The following SDK1 variants were observed in gnomAD, a reference collection of about 807,000 sequenced individuals.
SDK1 encodes the protein protein sidekick-1.
Under a neutral mutation model 245.5 loss-of-function variants are expected in SDK1, and 157 were observed. The observed-to-expected ratio is 0.64, with a 90% confidence interval of 0.56 to 0.73. The LOEUF (loss-of-function observed/expected upper bound fraction) is 0.73, where lower values mean the gene tolerates loss of function less well. Among genes scored for constraint, SDK1 ranks in the 30% least tolerant of loss-of-function variants. The pLI, the probability that SDK1 is intolerant of heterozygous loss-of-function variation, is 0.00. For synonymous variants in SDK1, 1,647 were observed against 1,278.5 expected, an observed-to-expected ratio of 1.29 and a Z score of -6.15; for missense variants, 3,583 against 3,002.3, an observed-to-expected ratio of 1.19 and a Z score of -4.52.
intron 1 of SDK1, among the ~76,000 whole-genome samples, chr7:3,490,078 C>G (rs571729224): frequency 6.6e-6 from 1 of 152,022 alleles, no homozygotes; most frequent in South Asian, 2.1e-4. Flanking sequence ...TGGAATTATT[C>G]TCTTCATATT....
intron 4 of SDK1, among the ~76,000 whole-genome samples, chr7:3,721,180 C>G (rs1785357471): frequency 6.6e-6 from 1 of 152,152 alleles, no homozygotes; most frequent in Non-Finnish European, 1.5e-5. Flanking sequence ...ACTGTTCCCT[C>G]TCTTGGTTGT....
At chr7:3,418,154 A>C (rs201323630) in intron 1 of SDK1, among the ~76,000 whole-genome samples, 2 of 55,380 alleles carry the variant, frequency 3.6e-5, no homozygotes, top group Non-Finnish European at 1.1e-4. Context: ...TGAAAAAAAA[A>C]AAAAAAAAAA....
intron 1 of SDK1, among the ~76,000 whole-genome samples, chr7:3,361,948 A>G (rs541761517): frequency 5.9e-5 from 9 of 152,344 alleles, no homozygotes; most frequent in African/African-American, 1.9e-4. Context: ...TTTCAGTGGC[A>G]GTCCTCATTT....
Position 3,749,976 on chromosome 7 carries a change from C to T in SDK1, c.714-71474C>T, listed in dbSNP as rs1250909796. Among the ~76,000 whole-genome samples, 3 of 152,186 alleles carry T rather than the reference C, an allele frequency of 2.0e-5. No individual in the cohort carries two copies. The East Asian group carries it at 5.8e-4, about 29-fold the overall frequency. ...CTCTTGTTAGAATCTGGGTGTTTTT[C>T]ACACTTTGTAATACAAAGCTCACAT... On this transcript the variant is annotated intron_variant, in intron 4 of 44. Coordinates refer to ENST00000404826, the MANE Select transcript of SDK1 (RefSeq NM_152744.4).
chr7:3,610,499 C>T (rs376058503), intron 1 of SDK1, among the ~76,000 whole-genome samples: 3 of 152,166 alleles, frequency 2.0e-5, no homozygotes, highest in African/African-American at 7.2e-5. Context: ...TATTGGAGAG[C>T]TGGAAGCTTA....
intron 4 of SDK1, among the ~76,000 whole-genome samples, chr7:3,691,218 C>T (rs1784429764): frequency 6.6e-6 from 1 of 152,030 alleles, no homozygotes; most frequent in African/African-American, 2.4e-5. Flanking sequence ...TTTAGATTTG[C>T]AAGAAATAAA....
intron 1 of SDK1, among the ~76,000 whole-genome samples, chr7:3,496,913 C>A (rs1430184206): frequency 2.6e-5 from 4 of 152,174 alleles, no homozygotes; most frequent in Non-Finnish European, 5.9e-5. Context: ...CTTCAGAGGT[C>A]ACCTGATTTA....
chr7:3,321,155 ATC>A (rs1311961956), intron 1 of SDK1, among the ~76,000 whole-genome samples: 8 of 152,200 alleles, frequency 5.3e-5, no homozygotes, highest in African/African-American at 1.9e-4. Flanking sequence ...GTGAAATAAA[ATC>A]TTTTTGAAAC....
At chr7:3,652,157 CTT>C (rs1460805854) in intron 4 of SDK1, among the ~76,000 whole-genome samples, 1 of 152,154 alleles carries the variant, frequency 6.6e-6, no homozygotes, top group East Asian at 1.9e-4. Flanking sequence ...TGAGACAACT[CTT>C]TGGGCATTTT....
chr7:3,635,254 A>G (rs545512049), intron 2 of SDK1, among the ~76,000 whole-genome samples: 2 of 152,238 alleles, frequency 1.3e-5, no homozygotes, highest in Non-Finnish European at 2.9e-5. Flanking sequence ...AAATTTTAAG[A>G]TTAAAACTCA....
chr7:4,201,670 G>A (rs1008308226), intron 35 of SDK1, among the ~76,000 whole-genome samples: 3 of 151,394 alleles, frequency 2.0e-5, no homozygotes, highest in Non-Finnish European at 2.9e-5. Flanking sequence ...GACAGGAGGC[G>A]CCTGGCGTGG....
intron 4 of SDK1, among the ~76,000 whole-genome samples, chr7:3,787,924 G>A (rs1163035127): frequency 6.6e-6 from 1 of 152,316 alleles, no homozygotes; most frequent in East Asian, 1.9e-4. Flanking sequence ...CGGTTGCACA[G>A]AAGCCACTCT....
intron 43 of SDK1, among the ~76,000 whole-genome samples, chr7:4,243,739 A>C (rs1279048121): frequency 6.6e-6 from 1 of 152,210 alleles, no homozygotes; most frequent in South Asian, 2.1e-4. Context: ...CCACAACTCA[A>C]GATGAGATTT....
intron 1 of SDK1, among the ~76,000 whole-genome samples, chr7:3,583,505 G>T (rs572831473): frequency 6.6e-6 from 1 of 152,152 alleles, no homozygotes; most frequent in Non-Finnish European, 1.5e-5. Context: ...TCTGTATTTA[G>T]ATCTTGAGAG....
intron 25 of SDK1, among the ~76,000 whole-genome samples, chr7:4,117,054 G>A (rs1289406030): frequency 6.6e-6 from 1 of 152,232 alleles, no homozygotes; most frequent in Admixed American, 6.5e-5. Flanking sequence ...GAGAGAACTT[G>A]AGAAGTTCAG....
At chr7:3,579,768 A>G (rs1355651802) in intron 1 of SDK1, among the ~76,000 whole-genome samples, 2 of 152,222 alleles carry the variant, frequency 1.3e-5, no homozygotes, top group Admixed American at 6.5e-5. Context: ...CCAAAGAGGT[A>G]AAAACAGGCA....
chr7:3,991,081 C>G (rs1016031187), intron 14 of SDK1, among the ~76,000 whole-genome samples: 2 of 152,246 alleles, frequency 1.3e-5, no homozygotes, highest in Admixed American at 1.3e-4. Context: ...GCAGCCTCCA[C>G]GTCGCACGTT....
chr7:3,797,881 G>A (rs185858233), intron 4 of SDK1, among the ~76,000 whole-genome samples: 2 of 152,060 alleles, frequency 1.3e-5, no homozygotes, highest in Non-Finnish European at 2.9e-5. Flanking sequence ...CTGTACAGAT[G>A]TCAACTTTTT....
At chr7:3,607,353 T>C (rs1018535370) in intron 1 of SDK1, among the ~76,000 whole-genome samples, 3 of 152,164 alleles carry the variant, frequency 2.0e-5, no homozygotes, top group Non-Finnish European at 4.4e-5. Context: ...CTCAACCACA[T>C]ATGAAGTAAT....
Sources: allele counts gnomAD v4.1 joint callset (sites outside exome capture counted in the v4.1 genomes callset), GRCh38; gene constraint gnomAD v4.1.1; transcripts MANE v1.5; gene names NCBI Gene and HGNC (gene_info 2026-07-23, HGNC 2026-07-21).